Variants in SETBP1 observed in about 807,000 individuals in gnomAD.
SETBP1 encodes SET binding protein 1, also known as SET-binding protein.
SETBP1 carries 9 observed loss-of-function variants against 101.0 expected under a neutral mutation model. That is an observed-to-expected ratio of 0.09 (90% CI 0.05 to 0.16). SETBP1 has a LOEUF of 0.16. Among genes scored for constraint, SETBP1 ranks in the 10% least tolerant of loss-of-function variants. SETBP1 has a pLI of 1.00. For synonymous variants in SETBP1, 818 were observed against 788.5 expected (o/e 1.04, Z -0.63); for missense variants, 1,858 against 2,033.8 (o/e 0.91, Z 1.66).
At chr18:44,830,627 A>T (rs929814139) in intron 2 of SETBP1, among the ~76,000 whole-genome samples, 2 of 152,316 alleles carry the variant, frequency 1.3e-5, no homozygotes, top group Non-Finnish European at 2.9e-5. Flanking sequence ...ATTTGATCAG[A>T]TGGAAGCTGG....
intron 4 of SETBP1, among the ~76,000 whole-genome samples, chr18:44,963,558 A>T (rs1378807567): frequency 2.0e-5 from 3 of 152,178 alleles, no homozygotes; most frequent in Non-Finnish European, 4.4e-5. Context: ...GGCTTTACCC[A>T]CCTACTGGTA....
intron 3 of SETBP1, among the ~76,000 whole-genome samples, chr18:44,941,390 C>A (rs761321419): frequency 2.6e-5 from 4 of 151,964 alleles, no homozygotes; most frequent in Non-Finnish European, 5.9e-5. Context: ...TATTTTTGCA[C>A]CCCTATAAAT....
intron 3 of SETBP1, among the ~76,000 whole-genome samples, chr18:44,924,609 C>G (rs2070657247): frequency 6.6e-6 from 1 of 152,060 alleles, no homozygotes; most frequent in East Asian, 1.9e-4. Context: ...CTACCATGCC[C>G]CCTGTGCTTT....
intron 3 of SETBP1, among the ~76,000 whole-genome samples, chr18:44,881,249 G>A (rs2069524130): frequency 6.6e-6 from 1 of 152,154 alleles, no homozygotes; most frequent in Admixed American, 6.5e-5. Flanking sequence ...ATCAAAAGTG[G>A]ACAGCTTTGA....
chr18:44,824,489 A>C (rs1240887356), intron 2 of SETBP1, among the ~76,000 whole-genome samples: 1 of 152,172 alleles, frequency 6.6e-6, no homozygotes, highest in East Asian at 1.9e-4. Flanking sequence ...TAATTTTAAC[A>C]ATATCACCTC....
intron 2 of SETBP1, among the ~76,000 whole-genome samples, chr18:44,821,697 A>G (rs552715012): frequency 1.3e-5 from 2 of 152,352 alleles, no homozygotes; most frequent in Admixed American, 6.5e-5. Context: ...TTGTAGTTGA[A>G]TGTATCAACA....
At chr18:44,869,444 C>T in intron 3 of SETBP1, 161 bp downstream of exon 3, 1 of 710,680 alleles carries the variant, frequency 1.4e-6, no homozygotes. Context: ...CTCTCCTCCT[C>T]CAGCTCCTCT....
At chr18:44,953,404 G>C in intron 4 of SETBP1, 64 bp downstream of exon 4, 1 of 1,417,556 alleles carries the variant, frequency 7.1e-7, no homozygotes, top group Non-Finnish European at 9.8e-7. Context: ...TTGCACCTCA[G>C]ACACATCTGT....
intron 2 of SETBP1, among the ~76,000 whole-genome samples, chr18:44,803,402 A>G (rs2071651314): frequency 6.6e-6 from 1 of 152,128 alleles, no homozygotes; most frequent in Non-Finnish European, 1.5e-5. Context: ...TCGGAGCTAA[A>G]TATAGCTGGT....
At chr18:44,833,931 A>G (rs1599192747) in intron 2 of SETBP1, among the ~76,000 whole-genome samples, 1 of 152,268 alleles carries the variant, frequency 6.6e-6, no homozygotes. Context: ...AAGGCATGGC[A>G]TGAAAGAAAA....
chr18:45,028,927 G>A (rs1489731613), intron 4 of SETBP1, among the ~76,000 whole-genome samples: 1 of 152,158 alleles, frequency 6.6e-6, no homozygotes, highest in African/African-American at 2.4e-5. Context: ...TGTCAGATGA[G>A]TAAGTTGCGA....
At chr18:45,000,443 C>T (rs958749891) in intron 4 of SETBP1, among the ~76,000 whole-genome samples, 1 of 152,104 alleles carries the variant, frequency 6.6e-6, no homozygotes, top group Non-Finnish European at 1.5e-5. Context: ...CATGTTCCTG[C>T]CTGGAAACAG....
chr18:45,031,999 T>G (rs1474642376), intron 4 of SETBP1, among the ~76,000 whole-genome samples: 1 of 152,144 alleles, frequency 6.6e-6, no homozygotes, highest in East Asian at 1.9e-4. Flanking sequence ...ATTTCTGCTT[T>G]TGCTCTGGTC....
chr18:44,933,846 G>A (rs2070894141), intron 3 of SETBP1, among the ~76,000 whole-genome samples: 1 of 152,158 alleles, frequency 6.6e-6, no homozygotes, highest in Admixed American at 6.5e-5. Flanking sequence ...GGTACTGTCT[G>A]TCATGGTTTC....
At chr18:44,891,705 T>C (rs1320497037) in intron 3 of SETBP1, among the ~76,000 whole-genome samples, 3 of 152,254 alleles carry the variant, frequency 2.0e-5, no homozygotes, top group East Asian at 3.9e-4. Flanking sequence ...TCAGATTTCC[T>C]GGGTTATTGC....
intron 3 of SETBP1, among the ~76,000 whole-genome samples, chr18:44,939,958 G>C (rs529191087): frequency 6.6e-6 from 1 of 152,102 alleles, no homozygotes; most frequent in Non-Finnish European, 1.5e-5. Flanking sequence ...TGATTTTTTA[G>C]GAAATTTGTT....
chr18:44,760,544 A>G (rs1416122447), intron 2 of SETBP1, among the ~76,000 whole-genome samples: 1 of 152,208 alleles, frequency 6.6e-6, no homozygotes, highest in East Asian at 1.9e-4. Context: ...CTTTAAGTTT[A>G]AATGCTTATT....
chr18:44,735,855 C>G (rs10502841), intron 2 of SETBP1, among the ~76,000 whole-genome samples: 45,810 of 152,098 alleles, frequency 0.3, 7,080 homozygotes, highest in East Asian at 0.41. Flanking sequence ...CAGAAAGATG[C>G]TCCAGGTTGG....
At chr18:44,901,415 C>T (rs1398030632) in intron 3 of SETBP1, among the ~76,000 whole-genome samples, 1 of 152,142 alleles carries the variant, frequency 6.6e-6, no homozygotes, top group Non-Finnish European at 1.5e-5. Context: ...TAATGAATTC[C>T]GTCTTTTTGT....
Sources: gnomAD v4.1 joint callset for allele counts (sites outside exome capture counted in the v4.1 genomes callset) on GRCh38, gnomAD v4.1.1 for gene constraint, MANE v1.5 for transcripts, NCBI Gene and HGNC (gene_info 2026-07-23, HGNC 2026-07-21) for gene names.